The following WWOX variants were observed in gnomAD, a reference collection of about 807,000 sequenced individuals.
The protein encoded by WWOX is WW domain containing oxidoreductase, also known as WW domain-containing oxidoreductase.
A neutral mutation model predicts 46.2 loss-of-function variants in WWOX; 69 were observed. The observed-to-expected ratio is 1.49, with a 90% CI of 1.23 to 1.82. The LOEUF (loss-of-function observed/expected upper bound fraction) is 1.82. Ranked by LOEUF, WWOX falls within the 40% of genes most tolerant of loss-of-function variation. The pLI, the probability that WWOX is intolerant of heterozygous loss-of-function variation, is 0.00. For synonymous variants in WWOX, 359 were observed against 202.6 expected, an observed-to-expected ratio of 1.77 and a Z score of -6.56; for missense variants, 919 against 542.6, an observed-to-expected ratio of 1.69 and a Z score of -6.89.
At chr16:78,387,905 G>T (rs566182911) in intron 6 of WWOX, among the ~76,000 whole-genome samples, 50 of 152,142 alleles carry the variant, frequency 3.3e-4, no homozygotes, top group African/African-American at 1.2e-3. Flanking sequence ...TCTCATAAAT[G>T]ACAAGCTGCC....
chr16:79,115,550 C>T (rs769185614), intron 8 of WWOX, among the ~76,000 whole-genome samples: 1 of 152,184 alleles, frequency 6.6e-6, no homozygotes, highest in Non-Finnish European at 1.5e-5. Flanking sequence ...TTTACAATAT[C>T]TCTAAACTCA....
At chr16:78,105,365 G>T (rs113349210) in intron 1 of WWOX, among the ~76,000 whole-genome samples, 2 of 151,828 alleles carry the variant, frequency 1.3e-5, no homozygotes, top group South Asian at 2.1e-4. Context: ...AGGCTGAGGC[G>T]GGAGAATTGC....
At chr16:78,402,859 G>C (rs1170430563) in intron 6 of WWOX, among the ~76,000 whole-genome samples, 10 of 151,384 alleles carry the variant, frequency 6.6e-5, no homozygotes, top group Non-Finnish European at 4.4e-5. Context: ...CTTTACAGCT[G>C]GTGACAGGGG....
chr16:78,232,910 C>T (rs181541815), intron 5 of WWOX, among the ~76,000 whole-genome samples: 18 of 151,690 alleles, frequency 1.2e-4, no homozygotes, highest in African/African-American at 3.4e-4. Context: ...GGTGCTATTT[C>T]GGCTAACTGC....
At chr16:78,753,285 C>T (rs530061714) in intron 8 of WWOX, among the ~76,000 whole-genome samples, 2 of 151,864 alleles carry the variant, frequency 1.3e-5, no homozygotes, top group African/African-American at 2.4e-5. Flanking sequence ...GGGCGACAGA[C>T]TCCAGCCTGA....
intron 8 of WWOX, among the ~76,000 whole-genome samples, chr16:78,963,320 T>C (rs142685583): frequency 3.9e-4 from 59 of 151,462 alleles, no homozygotes; most frequent in African/African-American, 1.3e-3. Flanking sequence ...ATAAAAAAAA[T>C]TAGCTGCCCA....
intron 5 of WWOX, among the ~76,000 whole-genome samples, chr16:78,173,455 A>ATT (rs35394224): frequency 1.7e-3 from 232 of 135,838 alleles, no homozygotes; most frequent in African/African-American, 4.3e-3. Context: ...CACCTGGCTA[A>ATT]TTTTTTTTTT....
At chr16:78,800,093 A>C (rs866243163) in intron 8 of WWOX, among the ~76,000 whole-genome samples, 1 of 152,182 alleles carries the variant, frequency 6.6e-6, no homozygotes, top group Non-Finnish European at 1.5e-5. Flanking sequence ...CTGAGATGAT[A>C]CGTTTGTCAC....
At chr16:78,398,831 G>C (rs998681044) in intron 6 of WWOX, among the ~76,000 whole-genome samples, 1 of 152,178 alleles carries the variant, frequency 6.6e-6, no homozygotes, top group Non-Finnish European at 1.5e-5. Flanking sequence ...TATTTATAAA[G>C]CGTAGTACCT....
chr16:79,118,940 G>C (rs1567562118), intron 8 of WWOX, among the ~76,000 whole-genome samples: 1 of 152,152 alleles, frequency 6.6e-6, no homozygotes, highest in African/African-American at 2.4e-5. Context: ...CATTTATATG[G>C]TTTTAAATAC....
At chr16:78,679,612 C>T (rs1240613215) in intron 8 of WWOX, among the ~76,000 whole-genome samples, 1 of 152,126 alleles carries the variant, frequency 6.6e-6, no homozygotes, top group African/African-American at 2.4e-5. Context: ...CTCCCCACCT[C>T]TTTTAATTCT....
At position 78,533,500 on chromosome 16, in the gene WWOX, C is replaced by T. The variant is rs116297111; in HGVS notation, c.1056+100748C>T. 2.8e-3 allele frequency among the ~76,000 whole-genome samples: 426 copies of T among 152,094 alleles called. 1 individual carries two copies. Among genetic ancestry groups the T allele is most frequent in the African/African-American group, 9.2e-3 (381 of 41,488 alleles). On this transcript the variant is annotated intron_variant, in intron 8 of 8. Coordinates refer to ENST00000566780, the MANE Select transcript of WWOX (RefSeq NM_016373.4). ...GGCCAGATTCAAAGTTGTCCTGGGC[C>T]GCATGTGGCCCACCAGCTATGGTTT...
chr16:79,048,734 G>A (rs906660996), intron 8 of WWOX, among the ~76,000 whole-genome samples: 5 of 152,152 alleles, frequency 3.3e-5, no homozygotes, highest in Non-Finnish European at 7.3e-5. Flanking sequence ...TGCAGCAGAT[G>A]CAGACCCAGC....
At chr16:79,051,240 C>A (rs879003587) in intron 8 of WWOX, among the ~76,000 whole-genome samples, 3 of 152,154 alleles carry the variant, frequency 2.0e-5, no homozygotes, top group South Asian at 2.1e-4. Flanking sequence ...GAAGGGGAAA[C>A]TTTTTCTTGG....
chr16:78,817,711 C>T (rs1382647201), intron 8 of WWOX, among the ~76,000 whole-genome samples: 3 of 152,228 alleles, frequency 2.0e-5, no homozygotes, highest in Non-Finnish European at 4.4e-5. Flanking sequence ...CGCTTGGCTT[C>T]CTCCTAAAAT....
At chr16:78,394,698 C>T (rs908561946) in intron 6 of WWOX, among the ~76,000 whole-genome samples, 1 of 152,178 alleles carries the variant, frequency 6.6e-6, no homozygotes, top group African/African-American at 2.4e-5. Flanking sequence ...CTTGCTTTTG[C>T]CGTGGTAGCC....
At chr16:78,813,445 A>G (rs559765236) in intron 8 of WWOX, among the ~76,000 whole-genome samples, 3 of 152,298 alleles carry the variant, frequency 2.0e-5, no homozygotes, top group East Asian at 1.9e-4. Flanking sequence ...GAGTTTTGCT[A>G]GAGTCCAAGA....
At chr16:78,505,047 C>A (rs568775402) in intron 8 of WWOX, among the ~76,000 whole-genome samples, 6 of 152,240 alleles carry the variant, frequency 3.9e-5, no homozygotes, top group Admixed American at 1.3e-4. Flanking sequence ...TCCTTCTCCT[C>A]CTCTAAGGGA....
chr16:78,638,620 G>C (rs566968619), intron 8 of WWOX, among the ~76,000 whole-genome samples: 1 of 152,172 alleles, frequency 6.6e-6, no homozygotes, highest in Non-Finnish European at 1.5e-5. Flanking sequence ...TAATGCTTCT[G>C]ACTTTTCCAT....
Sources: allele counts gnomAD v4.1 joint callset (sites outside exome capture counted in the v4.1 genomes callset), GRCh38; gene constraint gnomAD v4.1.1; transcripts MANE v1.5; gene names NCBI Gene and HGNC (gene_info 2026-07-23, HGNC 2026-07-21).